Variants in TMX4 observed in about 807,000 individuals in gnomAD.
The protein encoded by TMX4 is thioredoxin-related transmembrane protein 4.
Under a neutral mutation model 33.3 loss-of-function variants are expected in TMX4, and 23 were observed. That is an observed-to-expected ratio of 0.69 (90% CI 0.50 to 0.98). TMX4 has a LOEUF of 0.98. Ranked by LOEUF, TMX4 falls within the 50% of genes least tolerant of loss-of-function variation. TMX4 has a pLI of 0.00. For synonymous variants in TMX4, 164 were observed against 161.5 expected, an observed-to-expected ratio of 1.02 and a Z score of -0.12; for missense variants, 399 against 448.9, an observed-to-expected ratio of 0.89 and a Z score of 1.01.
intron 1 of TMX4, among the ~76,000 whole-genome samples, chr20:8,015,583 T>C (rs1408946221): frequency 6.6e-6 from 1 of 152,184 alleles, no homozygotes; most frequent in African/African-American, 2.4e-5. Flanking sequence ...TTCTTCACCT[T>C]CCCAGCTCCC....
Position 7,977,846 on chromosome 20 carries a change from A to G in TMX4, c.*4405T>C, listed in dbSNP as rs545782971. On this transcript the variant is annotated 3_prime_UTR_variant, in exon 8 of 8. Coordinates refer to ENST00000246024, the MANE Select transcript of TMX4 (RefSeq NM_021156.4). ...ACGAGTCACACATATACAGTGTCACAGTCTACATAAAGCTTTACTGAGAAT... is the reference window on the plus strand; with the variant it reads ...ACGAGTCACACATATACAGTGTCACGGTCTACATAAAGCTTTACTGAGAAT... 2 of 152,336 alleles carry G rather than the reference A, an allele frequency of 1.3e-5. No individual in the cohort carries two copies. The highest frequency in any genetic ancestry group is 2.1e-4 in the South Asian group (1 of 4,834). The allele number at this position is 152,336 out of a possible 1,614,324, so 9.4% of individuals were successfully genotyped here.
In TMX4 at chr20:7,981,979, AC is replaced by A; in HGVS notation, c.*271del. 2 of 371,104 alleles carry A rather than the reference AC, an allele frequency of 5.4e-6. No individual in the cohort carries two copies. Among genetic ancestry groups the A allele is most frequent in the Non-Finnish European group, 4.9e-6 (1 of 206,018 alleles). The allele number at this position is 371,104 out of a possible 1,614,324, so 23.0% of individuals were successfully genotyped here. A position where few individuals can be genotyped will look rare whatever the true frequency, so the allele number is the denominator to read the frequency against. ...CTGGGAATGGCCTCCTCTGGTCGAG[AC>A]TCTCTGACCCCTAAGTAAATGAACT... On this transcript the variant is annotated 3_prime_UTR_variant, in exon 8 of 8. Transcript: ENST00000246024.
intron 6 of TMX4, among the ~76,000 whole-genome samples, chr20:7,985,272 TATA>T (rs1200677759): frequency 4.0e-5 from 4 of 100,948 alleles, no homozygotes; most frequent in Non-Finnish European, 6.9e-5. Context: ...TATATATATA[TATA>T]TATTTTTTTT....
intron 2 of TMX4, among the ~76,000 whole-genome samples, chr20:8,005,901 G>A (rs1488062818): frequency 6.6e-6 from 1 of 152,132 alleles, no homozygotes; most frequent in East Asian, 1.9e-4. Flanking sequence ...CTCGCTGAGA[G>A]CTACTTCCAC....
At chr20:7,999,227 G>A (rs2050691554) in intron 4 of TMX4, among the ~76,000 whole-genome samples, 1 of 152,108 alleles carries the variant, frequency 6.6e-6, no homozygotes, top group Admixed American at 6.6e-5. Flanking sequence ...TTATGGTTTG[G>A]CCTAATCTAC....
At position 7,999,852 on chromosome 20, in the gene TMX4, T is replaced by A. The variant is rs1305462002; in HGVS notation, c.347A>T (p.Asp116Val). 2 of 1,608,134 alleles carry A rather than the reference T, an allele frequency of 1.2e-6. No individual in the cohort carries two copies. The highest frequency in any genetic ancestry group is 2.7e-5 in the African/African-American group (2 of 74,502). Residue 116 changes from aspartate to valine, a missense_variant, in exon 4 of 8, where the codon GAT becomes GTT. Asp to Val is a radical substitution (Grantham distance 152, BLOSUM62 -3). Coordinates refer to ENST00000246024, the MANE Select transcript of TMX4 (RefSeq NM_021156.4). The stretch of plus-strand genomic sequence containing the variant: ...GCCACGATAACGGCGGAATATCCCA[T>A]CCTTTGCACTATAAATTATGAAAAC... ...TTLPAFFHAKDGIFRRYRGPG... is the reference protein window; with the variant it reads ...TTLPAFFHAKVGIFRRYRGPG...
At chr20:7,996,289 A>G (rs1483077749) in intron 4 of TMX4, among the ~76,000 whole-genome samples, 1 of 151,982 alleles carries the variant, frequency 6.6e-6, no homozygotes, top group Non-Finnish European at 1.5e-5. Flanking sequence ...TTCTCCTTTC[A>G]TTGTGCCTAC....
At chr20:8,003,526 T>C (rs1286156539) in intron 2 of TMX4, among the ~76,000 whole-genome samples, 1 of 152,158 alleles carries the variant, frequency 6.6e-6, no homozygotes, top group African/African-American at 2.4e-5. Flanking sequence ...CATTTAATTA[T>C]ACAATATATA....
At chr20:7,984,403 C>T (rs1456076421) in intron 6 of TMX4, among the ~76,000 whole-genome samples, 3 of 152,116 alleles carry the variant, frequency 2.0e-5, no homozygotes, top group East Asian at 3.9e-4. Context: ...CCAGAGAAAG[C>T]CCTGAATGTC....
chr20:7,981,038 G>C lies in TMX4; in HGVS notation c.*1213C>G, dbSNP rs988574251. On this transcript the variant is annotated 3_prime_UTR_variant, in exon 8 of 8. Transcript: ENST00000246024. ...TCTAACACATAAATCAGGTAAGAGA[G>C]AAGTAGATGGATAGATTTTTTTTTT... 6.6e-6 allele frequency: 1 copy of C among 150,612 alleles called. No homozygotes were observed. Among genetic ancestry groups the C allele is most frequent in the East Asian group, 2.0e-4 (1 of 4,906 alleles). The allele number at this position is 150,612 out of a possible 1,614,324, so 9.3% of individuals were successfully genotyped here.
chr20:8,008,562 C>T (rs1227158540), intron 2 of TMX4, among the ~76,000 whole-genome samples: 1 of 151,822 alleles, frequency 6.6e-6, no homozygotes, highest in Non-Finnish European at 1.5e-5. Flanking sequence ...ATTTGTGAAC[C>T]CATCACAAGG....
intron 5 of TMX4, among the ~76,000 whole-genome samples, chr20:7,995,299 A>G (rs968416497): frequency 1.2e-4 from 19 of 152,208 alleles, no homozygotes; most frequent in African/African-American, 4.1e-4. Flanking sequence ...ATTTAATTCC[A>G]GAGCCATTTT....
chr20:8,013,320 T>C (rs1352610097), intron 1 of TMX4, among the ~76,000 whole-genome samples: 1 of 152,210 alleles, frequency 6.6e-6, no homozygotes, highest in Non-Finnish European at 1.5e-5. Flanking sequence ...CTTAAGAGCC[T>C]CCAAGAGCAA....
intron 6 of TMX4, among the ~76,000 whole-genome samples, chr20:7,985,029 A>G (rs964147898): frequency 6.6e-6 from 1 of 152,104 alleles, no homozygotes; most frequent in Admixed American, 6.5e-5. Flanking sequence ...ACACTTTTCT[A>G]TCATCCTAGA....
Position 7,982,623 on chromosome 20 carries a change from T to G in TMX4, c.680-2A>C, listed in dbSNP as rs1268412532. On this transcript the variant is annotated splice_acceptor_variant, in intron 7 of 7. Transcript: ENST00000246024. LOFTEE classifies it high-confidence loss of function. The stretch of plus-strand genomic sequence containing the variant: ...CCTCCTCTGATCTCCGATTCTGCTC[T>G]ATGGAGGGAAGAAAGAGGAATATCC... 1 of 1,605,596 alleles carries G rather than the reference T, an allele frequency of 6.2e-7. No individual in the cohort carries two copies. The highest frequency in any genetic ancestry group is 2.2e-5 in the East Asian group (1 of 44,818).
intron 3 of TMX4, among the ~76,000 whole-genome samples, chr20:8,000,605 A>C: frequency 6.6e-6 from 1 of 151,296 alleles, no homozygotes; most frequent in African/African-American, 2.4e-5. Flanking sequence ...CATTTCCTTC[A>C]CTCACTGTCT....
chr20:7,983,964 T>A, intron 6 of TMX4, 107 bp from the exon 7 acceptor site: 1 of 713,192 alleles, frequency 1.4e-6, no homozygotes, highest in Non-Finnish European at 2.3e-6. Flanking sequence ...GACTAATAAT[T>A]AGCAGCTAGT....
At chr20:8,007,916 T>C (rs973028319) in intron 2 of TMX4, among the ~76,000 whole-genome samples, 2 of 152,226 alleles carry the variant, frequency 1.3e-5, no homozygotes, top group East Asian at 1.9e-4. Flanking sequence ...TTGCCAATTT[T>C]CTTTTGTTAC....
chr20:7,986,275 A>T (rs564002624), intron 6 of TMX4, among the ~76,000 whole-genome samples: 39 of 152,328 alleles, frequency 2.6e-4, no homozygotes. Context: ...TGAAGTTAAC[A>T]TCAGGAGCCA....
Sources: gnomAD v4.1 joint callset for allele counts (sites outside exome capture counted in the v4.1 genomes callset) on GRCh38, gnomAD v4.1.1 for gene constraint, MANE v1.5 for transcripts, NCBI Gene and HGNC (gene_info 2026-07-23, HGNC 2026-07-21) for gene names.